NXPE4: variants seen among roughly 807,000 people sequenced by gnomAD.
The protein encoded by NXPE4 is neurexophilin and PC-esterase domain family member 4.
A neutral mutation model predicts 33.3 loss-of-function variants in NXPE4; 42 were observed. The ratio of observed to expected loss-of-function variants is 1.26; its 90% CI spans 0.98 to 1.63. The LOEUF (loss-of-function observed/expected upper bound fraction) is 1.63, where lower values mean the gene tolerates loss of function less well. NXPE4 is among the 40% of genes most tolerant of loss of function. The probability of loss-of-function intolerance (pLI) is 0.00; values close to 1 mark genes in which losing one functional copy is unlikely to be tolerated. For missense variants in NXPE4, 709 were observed against 647.6 expected, an observed-to-expected ratio of 1.09 and a Z score of -1.03; for synonymous variants, 253 against 234.9, an observed-to-expected ratio of 1.08 and a Z score of -0.71.
chr11:114,597,979 G>T (rs1949596256), upstream of NXPE4, among the ~76,000 whole-genome samples: 1 of 152,126 alleles, frequency 6.6e-6, no homozygotes, highest in African/African-American at 2.4e-5. Flanking sequence ...GAAGTCCAAA[G>T]TCTCATTTGA....
the NXPE4 span, among the ~76,000 whole-genome samples, chr11:114,623,394 G>A: frequency 6.6e-5 from 10 of 151,932 alleles, no homozygotes; most frequent in Admixed American, 4.6e-4. Flanking sequence ...TAAGTATTGC[G>A]CAGTGGGTAC....
chr11:114,601,119 G>A, the NXPE4 span, among the ~76,000 whole-genome samples: 29 of 151,686 alleles, frequency 1.9e-4, no homozygotes, highest in African/African-American at 7.0e-4. Context: ...TAACTTTAGG[G>A]GCACAAGTGA....
intron 4 of NXPE4, among the ~76,000 whole-genome samples, chr11:114,580,784 T>G (rs1949126498): frequency 3.3e-5 from 5 of 152,054 alleles, no homozygotes. Flanking sequence ...TAAAAAATAT[T>G]AACAACTAGT....
rs746844778 is a variant in NXPE4 at position 114,580,357 on chromosome 11, G to A, written c.893-19C>T. 3 of 1,606,312 alleles carry A rather than the reference G, an allele frequency of 1.9e-6. No homozygotes were observed. Among genetic ancestry groups the A allele is most frequent in the African/African-American group, 1.3e-5 (1 of 74,784 alleles). Reference sequence around the variant, plus strand: ...GTTTCTTCTGCCAAAGAATCAATGAGATAGGATCTTCCAAAACATCAAATT... The same window carrying A: ...GTTTCTTCTGCCAAAGAATCAATGAAATAGGATCTTCCAAAACATCAAATT... On this transcript the variant is annotated intron_variant, in intron 4 of 5. Coordinates refer to ENST00000375478, the MANE Select transcript of NXPE4 (RefSeq NM_001077639.2).
chr11:114,643,357 C>A, the NXPE4 span, among the ~76,000 whole-genome samples: 4 of 152,150 alleles, frequency 2.6e-5, no homozygotes, highest in African/African-American at 9.6e-5. Flanking sequence ...ATGGTACTGC[C>A]TAGGTTTTCT....
chr11:114,658,260 A>G, the NXPE4 span, among the ~76,000 whole-genome samples: 2 of 152,228 alleles, frequency 1.3e-5, no homozygotes. Flanking sequence ...GAGCAGGGGA[A>G]GAGGATGAAC....
the NXPE4 span, among the ~76,000 whole-genome samples, chr11:114,638,881 G>A: frequency 1.5e-4 from 23 of 151,144 alleles, 1 homozygote; most frequent in African/African-American, 2.4e-5. Flanking sequence ...CCTACTGGGG[G>A]GTGCCTCCTA....
intron 2 of NXPE4, among the ~76,000 whole-genome samples, chr11:114,592,300 G>A (rs1002242230): frequency 5.3e-5 from 8 of 152,044 alleles, no homozygotes; most frequent in African/African-American, 1.9e-4. Context: ...AAAACTGTCA[G>A]AACTGATTTT....
At chr11:114,628,003 C>T in the NXPE4 span, among the ~76,000 whole-genome samples, 1 of 151,732 alleles carries the variant, frequency 6.6e-6, no homozygotes, top group Non-Finnish European at 1.5e-5. Context: ...AACACAGGAG[C>T]ACCTAGATTC....
chr11:114,625,137 T>C, the NXPE4 span, among the ~76,000 whole-genome samples: 1 of 152,172 alleles, frequency 6.6e-6, no homozygotes, highest in East Asian at 1.9e-4. Flanking sequence ...TTCTAATGAC[T>C]GGATAATAAG....
chr11:114,579,657 G>C (rs568023247), intron 5 of NXPE4, among the ~76,000 whole-genome samples: 1 of 152,238 alleles, frequency 6.6e-6, no homozygotes, highest in South Asian at 2.1e-4. Context: ...CATTTTACTA[G>C]GTAGAAACTC....
At chr11:114,650,063 C>T in the NXPE4 span, among the ~76,000 whole-genome samples, 1 of 152,020 alleles carries the variant, frequency 6.6e-6, no homozygotes, top group African/African-American at 2.4e-5. Flanking sequence ...CTGCTTCCAC[C>T]CTAACAATGA....
the NXPE4 span, among the ~76,000 whole-genome samples, chr11:114,675,152 G>A: frequency 1.3e-5 from 2 of 151,438 alleles, no homozygotes; most frequent in African/African-American, 4.8e-5. Flanking sequence ...ATTATTAGAA[G>A]GATTATACTC....
the NXPE4 span, among the ~76,000 whole-genome samples, chr11:114,625,220 T>C: frequency 5.3e-5 from 8 of 149,664 alleles, no homozygotes; most frequent in Admixed American, 2.6e-4. Context: ...CTGTTACCTG[T>C]TGGATAATAC....
chr11:114,650,669 A>AT, the NXPE4 span, among the ~76,000 whole-genome samples: 1 of 152,174 alleles, frequency 6.6e-6, no homozygotes, highest in African/African-American at 2.4e-5. Context: ...ATATATGCTG[A>AT]TATCAAGCAG....
At chr11:114,638,882 G>T in the NXPE4 span, among the ~76,000 whole-genome samples, 1 of 151,006 alleles carries the variant, frequency 6.6e-6, no homozygotes, top group South Asian at 2.1e-4. Flanking sequence ...CTACTGGGGG[G>T]TGCCTCCTAG....
chr11:114,604,717 G>T, the NXPE4 span, among the ~76,000 whole-genome samples: 1 of 151,920 alleles, frequency 6.6e-6, no homozygotes, highest in Non-Finnish European at 1.5e-5. Flanking sequence ...ATGCCTTGTG[G>T]GTAACCACTG....
At chr11:114,648,717 A>G in the NXPE4 span, among the ~76,000 whole-genome samples, 12 of 152,194 alleles carry the variant, frequency 7.9e-5, no homozygotes, top group African/African-American at 2.4e-4. Flanking sequence ...CACCTAATAT[A>G]TGATACAACT....
chr11:114,650,249 T>C, the NXPE4 span, among the ~76,000 whole-genome samples: 1 of 151,990 alleles, frequency 6.6e-6, no homozygotes, highest in Non-Finnish European at 1.5e-5. Flanking sequence ...GGAGAGAGCA[T>C]ATAAAAAGGA....
Sources: gnomAD v4.1 joint callset for allele counts (sites outside exome capture counted in the v4.1 genomes callset) on GRCh38, gnomAD v4.1.1 for gene constraint, MANE v1.5 for transcripts, NCBI Gene and HGNC (gene_info 2026-07-23, HGNC 2026-07-21) for gene names.